Variants in TOP6BL observed in about 807,000 individuals in gnomAD.
TOP6BL encodes type 2 DNA topoisomerase 6 subunit B-like.
chr11:66,759,731 A>G, the TOP6BL span, among the ~76,000 whole-genome samples: 1 of 152,084 alleles, frequency 6.6e-6, no homozygotes, highest in Non-Finnish European at 1.5e-5. Context: ...CTACAGTTGC[A>G]TGCTGCCACA....
the TOP6BL span, chr11:66,771,788 T>G: frequency 6.5e-6 from 1 of 153,506 alleles, no homozygotes; most frequent in Non-Finnish European, 1.5e-5. Flanking sequence ...GGAGGGCAGT[T>G]GGAGGCTGGA....
At chr11:66,786,707 G>A in the TOP6BL span, among the ~76,000 whole-genome samples, 1 of 152,104 alleles carries the variant, frequency 6.6e-6, no homozygotes, top group Non-Finnish European at 1.5e-5. Flanking sequence ...TCACAGAATG[G>A]TAATTGAATC....
At chr11:66,811,428 G>C in the TOP6BL span, among the ~76,000 whole-genome samples, 2 of 152,204 alleles carry the variant, frequency 1.3e-5, no homozygotes, top group Non-Finnish European at 2.9e-5. Context: ...CTGACCTCAA[G>C]TGATCCGCCT....
At chr11:66,814,034 T>C in the TOP6BL span, 1 of 1,599,106 alleles carries the variant, frequency 6.3e-7, no homozygotes, top group Non-Finnish European at 8.6e-7. Context: ...TCCCTCTTTC[T>C]GCACAGGAAT....
the TOP6BL span, among the ~76,000 whole-genome samples, chr11:66,791,449 A>G: frequency 6.6e-6 from 1 of 152,172 alleles, no homozygotes; most frequent in African/African-American, 2.4e-5. Context: ...AAACATATAT[A>G]TGCACAAACA....
the TOP6BL span, chr11:66,801,151 C>T: frequency 2.6e-6 from 4 of 1,559,846 alleles, no homozygotes; most frequent in South Asian, 1.1e-5. Flanking sequence ...ACTCTCCTCT[C>T]GAGTACGAAT....
the TOP6BL span, among the ~76,000 whole-genome samples, chr11:66,754,488 A>G: frequency 6.6e-6 from 1 of 152,138 alleles, no homozygotes; most frequent in African/African-American, 2.4e-5. Context: ...TCATGTTAGA[A>G]GCTTTCTTCA....
chr11:66,760,861 T>C, the TOP6BL span, among the ~76,000 whole-genome samples: 1 of 152,018 alleles, frequency 6.6e-6, no homozygotes, highest in Non-Finnish European at 1.5e-5. Context: ...GGTATAATGT[T>C]ATAAAATAAA....
At chr11:66,766,357 T>C in the TOP6BL span, among the ~76,000 whole-genome samples, 2 of 152,230 alleles carry the variant, frequency 1.3e-5, no homozygotes, top group African/African-American at 4.8e-5. Context: ...TGTATTTTAT[T>C]TATGCTGGAT....
the TOP6BL span, among the ~76,000 whole-genome samples, chr11:66,794,492 T>C: frequency 1.3e-5 from 2 of 152,200 alleles, no homozygotes; most frequent in African/African-American, 4.8e-5. Flanking sequence ...TTTTGTAAAA[T>C]ATTTATTTTT....
At chr11:66,753,608 G>A in the TOP6BL span, among the ~76,000 whole-genome samples, 4 of 150,626 alleles carry the variant, frequency 2.7e-5, no homozygotes, top group African/African-American at 9.8e-5. Flanking sequence ...GGTTTTCACC[G>A]TGTTAGCCAG....
At chr11:66,842,958 G>A in the TOP6BL span, 3 of 1,552,922 alleles carry the variant, frequency 1.9e-6, no homozygotes, top group Non-Finnish European at 2.6e-6. Context: ...AGGCCGCCCC[G>A]CGCCGCCCGG....
the TOP6BL span, among the ~76,000 whole-genome samples, chr11:66,771,915 A>G: frequency 3.3e-5 from 5 of 152,200 alleles, no homozygotes. Flanking sequence ...TCAAGAAGTA[A>G]TTTCAACTTT....
chr11:66,843,470 CG>C, the TOP6BL span: 2 of 1,424,950 alleles, frequency 1.4e-6, no homozygotes, highest in African/African-American at 3.0e-5. Flanking sequence ...CGGCGCTGGG[CG>C]GGGATGGGCT....
At chr11:66,794,229 T>G in the TOP6BL span, among the ~76,000 whole-genome samples, 2 of 152,042 alleles carry the variant, frequency 1.3e-5, no homozygotes, top group African/African-American at 4.8e-5. Flanking sequence ...CCATTTTTTT[T>G]GTTTTTTGTT....
the TOP6BL span, among the ~76,000 whole-genome samples, chr11:66,793,441 TTTG>T: frequency 2.0e-5 from 3 of 147,782 alleles, no homozygotes; most frequent in Non-Finnish European, 4.5e-5. Flanking sequence ...TTTTTCTTTT[TTTG>T]TTTTTTTTTT....
the TOP6BL span, among the ~76,000 whole-genome samples, chr11:66,779,706 C>G: frequency 2.0e-5 from 3 of 152,064 alleles, no homozygotes; most frequent in Non-Finnish European, 4.4e-5. Flanking sequence ...TAAAGACACA[C>G]GCACATGTAT....
At chr11:66,745,315 G>A in the TOP6BL span, among the ~76,000 whole-genome samples, 6 of 138,556 alleles carry the variant, frequency 4.3e-5, no homozygotes, top group East Asian at 2.4e-4. Context: ...GGGGCGGGGT[G>A]GGGGGAGTCG....
the TOP6BL span, among the ~76,000 whole-genome samples, chr11:66,757,123 G>C: frequency 5.3e-5 from 8 of 151,912 alleles, no homozygotes; most frequent in South Asian, 1.7e-3. Context: ...CGGGTGGATT[G>C]CTTGAGGTCA....
Sources: allele counts gnomAD v4.1 joint callset (sites outside exome capture counted in the v4.1 genomes callset), GRCh38; gene constraint gnomAD v4.1.1; transcripts MANE v1.5; gene names NCBI Gene and HGNC (gene_info 2026-07-23, HGNC 2026-07-21).